The following INTS4 variants were observed in gnomAD, a reference collection of about 807,000 sequenced individuals.
INTS4 encodes integrator complex subunit 4.
Under a neutral mutation model 119.5 loss-of-function variants are expected in INTS4, and 70 were observed. The observed-to-expected ratio is 0.59, with a 90% CI of 0.48 to 0.71. The LOEUF (loss-of-function observed/expected upper bound fraction) is 0.71. Among genes scored for constraint, INTS4 ranks in the 30% least tolerant of loss-of-function variants. The pLI is 0.00. For synonymous variants in INTS4, 316 were observed against 419.6 expected, an observed-to-expected ratio of 0.75 and a Z score of 3.02; for missense variants, 867 against 1,173.2, an observed-to-expected ratio of 0.74 and a Z score of 3.81.
At chr11:77,945,057 A>G (rs558831582) in intron 8 of INTS4, among the ~76,000 whole-genome samples, 3 of 152,328 alleles carry the variant, frequency 2.0e-5, no homozygotes, top group African/African-American at 7.2e-5. Flanking sequence ...AGCACCAGAG[A>G]AAGGGCAAAA....
chr11:77,949,519 C>CA (rs1177164712), intron 8 of INTS4, among the ~76,000 whole-genome samples: 26,477 of 76,222 alleles, frequency 0.35, 2,790 homozygotes, highest in African/African-American at 0.38. Context: ...AACAAATTTA[C>CA]AAAAAAAAAA....
At chr11:77,953,116 A>C (rs564438262) in intron 8 of INTS4, among the ~76,000 whole-genome samples, 1 of 152,210 alleles carries the variant, frequency 6.6e-6, no homozygotes, top group Non-Finnish European at 1.5e-5. Flanking sequence ...AAAGCGCTTC[A>C]CACAGGTTTC....
intron 10 of INTS4, among the ~76,000 whole-genome samples, chr11:77,935,831 G>A (rs1953774870): frequency 6.6e-6 from 1 of 150,780 alleles, no homozygotes; most frequent in Admixed American, 6.6e-5. Context: ...AGGAGGTCAA[G>A]GCTGCAGCGA....
intron 4 of INTS4, among the ~76,000 whole-genome samples, chr11:77,973,965 T>C (rs1855840060): frequency 1.3e-5 from 2 of 152,206 alleles, no homozygotes; most frequent in African/African-American, 4.8e-5. Context: ...AAGTGTTCTC[T>C]CCTGTTCTAT....
At chr11:77,902,150 T>A (rs1424355779) in intron 17 of INTS4, among the ~76,000 whole-genome samples, 1 of 152,170 alleles carries the variant, frequency 6.6e-6, no homozygotes, top group African/African-American at 2.4e-5. Flanking sequence ...CACTCTAGGG[T>A]CACGGAAATG....
intron 9 of INTS4, among the ~76,000 whole-genome samples, chr11:77,939,107 G>C (rs556632574): frequency 6.6e-6 from 1 of 152,360 alleles, no homozygotes; most frequent in Non-Finnish European, 1.5e-5. Context: ...ACATAGGAAA[G>C]AGAGAGCCAG....
At chr11:77,963,648 T>C (rs1855352403) in intron 4 of INTS4, among the ~76,000 whole-genome samples, 1 of 152,120 alleles carries the variant, frequency 6.6e-6, no homozygotes, top group South Asian at 2.1e-4. Flanking sequence ...TTGAATAAGA[T>C]AAAAATAACA....
Position 77,961,166 on chromosome 11 carries a change from A to G in INTS4, c.472-28T>C, listed in dbSNP as rs769764057. 2.0e-6 allele frequency: 3 copies of G among 1,528,744 alleles called. No individual in the cohort carries two copies. The East Asian group carries it at 7.0e-5, about 36-fold the overall frequency. The allele number at this position is 1,528,744 out of a possible 1,614,324, so 94.7% of individuals were successfully genotyped here. On this transcript the variant is annotated intron_variant, in intron 4 of 22. Coordinates refer to ENST00000534064, the MANE Select transcript of INTS4 (RefSeq NM_033547.4). ...ATTAAAAAAAAAAAAAAAAAGAAAAAAAGAAAAAGAAAAAAAGGACATGAT... is the reference window on the plus strand; with the variant it reads ...ATTAAAAAAAAAAAAAAAAAGAAAAGAAGAAAAAGAAAAAAAGGACATGAT...
At chr11:77,912,248 G>A (rs1194024047) in intron 15 of INTS4, among the ~76,000 whole-genome samples, 2 of 151,954 alleles carry the variant, frequency 1.3e-5, no homozygotes, top group Non-Finnish European at 2.9e-5. Flanking sequence ...TGTAGTCCCA[G>A]CTATTCAGGA....
chr11:77,907,655 G>T, intron 16 of INTS4, 62 bp downstream of exon 16: 3 of 1,223,604 alleles, frequency 2.5e-6, no homozygotes, highest in Admixed American at 1.7e-5. Flanking sequence ...CTCACACACT[G>T]CTGGATCCAC....
At chr11:77,956,974 G>A (rs1012290221) in intron 7 of INTS4, among the ~76,000 whole-genome samples, 71 of 151,818 alleles carry the variant, frequency 4.7e-4, no homozygotes, top group Non-Finnish European at 2.4e-4. Flanking sequence ...CACTTCTGTC[G>A]CCCAGGCTGG....
intron 14 of INTS4, 83 bp from the exon 15 acceptor site, chr11:77,919,061 A>T: frequency 1.4e-6 from 2 of 1,442,510 alleles, no homozygotes; most frequent in South Asian, 2.4e-5. Flanking sequence ...AAAGCACATT[A>T]AAAACGTGAG....
intron 19 of INTS4, among the ~76,000 whole-genome samples, chr11:77,892,506 A>G (rs1379287800): frequency 2.0e-5 from 3 of 152,246 alleles, no homozygotes; most frequent in African/African-American, 7.2e-5. Flanking sequence ...CCAACTGTGC[A>G]AAAACAGACT....
intron 18 of INTS4, among the ~76,000 whole-genome samples, chr11:77,895,169 C>T (rs1952456768): frequency 1.3e-5 from 2 of 152,046 alleles, no homozygotes; most frequent in African/African-American, 2.4e-5. Context: ...CATGCTAGGT[C>T]AGTATGACTT....
intron 19 of INTS4, among the ~76,000 whole-genome samples, chr11:77,893,087 G>A (rs545280789): frequency 2.0e-5 from 3 of 152,318 alleles, no homozygotes; most frequent in African/African-American, 7.2e-5. Flanking sequence ...CTTCATCAGT[G>A]CTTTAAGATC....
intron 22 of INTS4, among the ~76,000 whole-genome samples, chr11:77,879,443 G>A (rs1243244020): frequency 6.6e-6 from 1 of 152,214 alleles, no homozygotes; most frequent in Non-Finnish European, 1.5e-5. Context: ...TTATGCAGGT[G>A]TGGATTTGGG....
chr11:77,933,990 T>C (rs1565255457), intron 10 of INTS4, among the ~76,000 whole-genome samples: 1 of 152,208 alleles, frequency 6.6e-6, no homozygotes, highest in Non-Finnish European at 1.5e-5. Context: ...GGTCGGATTG[T>C]TGCTGTGTCT....
chr11:77,879,813 G>T (rs1951724585), intron 22 of INTS4, among the ~76,000 whole-genome samples: 1 of 152,162 alleles, frequency 6.6e-6, no homozygotes, highest in South Asian at 2.1e-4. Flanking sequence ...AACCAAGCCT[G>T]CAAGAAGTAC....
In INTS4 at chr11:77,901,565, A is replaced by C. The variant is rs1952778248; in HGVS notation, c.2098-14T>G. The C allele has an allele frequency of 6.4e-7, 1 of 1,572,034 alleles. No homozygotes were observed. Among genetic ancestry groups the C allele is most frequent in the Non-Finnish European group, 8.8e-7 (1 of 1,142,560 alleles). On this transcript the variant is annotated splice_polypyrimidine_tract_variant and intron_variant, in intron 17 of 22. Transcript: ENST00000534064. ...CTCTTCCATAATCTATAAAGGAAAG[A>C]TAATTAACAATCAATAAAAATATCA...
Sources: gnomAD v4.1 joint callset for allele counts (sites outside exome capture counted in the v4.1 genomes callset) on GRCh38, gnomAD v4.1.1 for gene constraint, MANE v1.5 for transcripts, NCBI Gene and HGNC (gene_info 2026-07-23, HGNC 2026-07-21) for gene names.